Variants in IFT81 observed in about 807,000 individuals in gnomAD.
The protein encoded by IFT81 is intraflagellar transport protein 81 homolog.
IFT81 carries 72 observed loss-of-function variants against 102.6 expected under a neutral mutation model. The observed-to-expected ratio is 0.70, with a 90% confidence interval of 0.58 to 0.85. IFT81 has a LOEUF of 0.85. IFT81 is among the 40% of genes least tolerant of loss of function. The pLI, the probability that IFT81 is intolerant of heterozygous loss-of-function variation, is 0.00. For synonymous variants in IFT81, 237 were observed against 242.7 expected, an observed-to-expected ratio of 0.98 and a Z score of 0.22; for missense variants, 723 against 787.3, an observed-to-expected ratio of 0.92 and a Z score of 0.98.
At chr12:110,137,055 C>T (rs1209610091) in intron 8 of IFT81, among the ~76,000 whole-genome samples, 195 bp downstream of exon 8, 2 of 152,168 alleles carry the variant, frequency 1.3e-5, no homozygotes, top group Non-Finnish European at 2.9e-5. Context: ...TTTAAAAATT[C>T]CTAACCAGAT....
intron 12 of IFT81, among the ~76,000 whole-genome samples, chr12:110,182,923 C>T (rs183598151): frequency 2.0e-5 from 3 of 152,240 alleles, no homozygotes; most frequent in East Asian, 1.9e-4. Flanking sequence ...TGCTTTCTAT[C>T]GGGAACATAG....
chr12:110,202,212 C>T lies in IFT81; in HGVS notation c.1558-1652C>T, dbSNP rs1193888673. On this transcript the variant is annotated intron_variant, in intron 14 of 18. Transcript: ENST00000242591. ...CACTAAGGTGAAAGGATTTTTTCAG[C>T]TCCATTATAATCATATGGGACTGCC... Among the ~76,000 whole-genome samples, 3 of 152,222 alleles carry T rather than the reference C, an allele frequency of 2.0e-5. No individual in the cohort carries two copies. The East Asian group carries it at 5.8e-4, about 29-fold the overall frequency.
At chr12:110,170,108 A>T (rs1207799251) in intron 11 of IFT81, among the ~76,000 whole-genome samples, 3 of 152,074 alleles carry the variant, frequency 2.0e-5, no homozygotes, top group East Asian at 3.9e-4. Flanking sequence ...GCCCGCCACC[A>T]TGCCCGGCTA....
At position 110,130,601 on chromosome 12, in the gene IFT81, C is replaced by T. The variant is rs377452243; in HGVS notation, c.429+1471C>T. ...GCCAGGCTGGTCTCGAACCCCTGAC[C>T]TCATGATCTGCCCACCTCGGGTTCC... is the stretch of plus-strand genomic sequence containing the variant. On this transcript the variant is annotated intron_variant, in intron 4 of 18. Coordinates refer to ENST00000242591, the MANE Select transcript of IFT81 (RefSeq NM_014055.4). 6.6e-4 allele frequency among the ~76,000 whole-genome samples: 101 copies of T among 152,110 alleles called. 6 individuals carry two copies. The South Asian group carries it at 0.02, about 30-fold the overall frequency.
chr12:110,162,238 A>G (rs1038947087), intron 10 of IFT81: 9 of 151,912 alleles, frequency 5.9e-5, no homozygotes, highest in Non-Finnish European at 1.0e-4. Flanking sequence ...CCATGTAAAA[A>G]TACGGTAGAC....
At chr12:110,182,025 A>G (rs1897327576) in intron 12 of IFT81, among the ~76,000 whole-genome samples, 1 of 152,210 alleles carries the variant, frequency 6.6e-6, no homozygotes, top group African/African-American at 2.4e-5. Flanking sequence ...TTTGTACCCC[A>G]TGGCAGTCAG....
chr12:110,143,940 C>T (rs1236857391), intron 9 of IFT81, among the ~76,000 whole-genome samples: 1 of 151,204 alleles, frequency 6.6e-6, no homozygotes, highest in African/African-American at 2.4e-5. Flanking sequence ...TTTTTATTAA[C>T]CTTGTATACC....
rs879754173 is a variant in IFT81 at position 110,138,661 on chromosome 12, G to A, written c.781+1801G>A. ...TTGGTCAGGCTGGTCTTGAACTCCC[G>A]ACCTCAGGTGATCCACCCGCCTCAG... is the stretch of plus-strand genomic sequence containing the variant. On this transcript the variant is annotated intron_variant, in intron 8 of 18. Coordinates refer to ENST00000242591, the MANE Select transcript of IFT81 (RefSeq NM_014055.4). Among the ~76,000 whole-genome samples the A allele has an allele frequency of 3.2e-4, 48 of 152,150 alleles. 1 individual carries two copies. Among genetic ancestry groups the A allele is most frequent in the Non-Finnish European group, 5.1e-4 (35 of 68,022 alleles).
At chr12:110,165,674 G>A (rs1896393684) in intron 11 of IFT81, among the ~76,000 whole-genome samples, 1 of 152,190 alleles carries the variant, frequency 6.6e-6, no homozygotes, top group African/African-American at 2.4e-5. Flanking sequence ...CCCTGTCACA[G>A]TTGAGTGATG....
chr12:110,129,472 A>G (rs1894039709), intron 4 of IFT81, among the ~76,000 whole-genome samples: 1 of 152,170 alleles, frequency 6.6e-6, no homozygotes, highest in African/African-American at 2.4e-5. Context: ...TTTTTTATCC[A>G]AATTTGAGAG....
chr12:110,136,798 T>C lies in IFT81; in HGVS notation c.719T>C (p.Leu240Ser). Reference sequence around the variant, plus strand: ...AAGCTATTTCATGCAGTGCAAAGATTGCAAAGAGTACAAAACCAGCTGAAA... The same window carrying C: ...AAGCTATTTCATGCAGTGCAAAGATCGCAAAGAGTACAAAACCAGCTGAAA... ...KNQLFHAVQRLQRVQNQLKSM... is the reference protein window; with the variant it reads ...KNQLFHAVQRSQRVQNQLKSM... Residue 240 changes from leucine (L) to serine (S), a missense_variant, in exon 8 of 19, where the codon TTG becomes TCG. Coordinates refer to ENST00000242591, the MANE Select transcript of IFT81 (RefSeq NM_014055.4). The C allele has an allele frequency of 6.2e-7, 1 of 1,611,894 alleles. No homozygotes were observed. The highest frequency in any genetic ancestry group is 8.5e-7 in the Non-Finnish European group (1 of 1,178,380).
At chr12:110,137,239 C>A (rs902175573) in intron 8 of IFT81, among the ~76,000 whole-genome samples, 1 of 152,192 alleles carries the variant, frequency 6.6e-6, no homozygotes, top group Non-Finnish European at 1.5e-5. Context: ...ACTCAGGGGG[C>A]TGAGGCAGGA....
At position 110,135,394 on chromosome 12, in the gene IFT81, G is replaced by A; in HGVS notation, c.653G>A (p.Arg218Lys). The A allele has an allele frequency of 6.2e-7, 1 of 1,613,098 alleles. No individual in the cohort carries two copies. Among genetic ancestry groups the A allele is most frequent in the Non-Finnish European group, 8.5e-7 (1 of 1,179,422 alleles). Residue 218 changes from arginine (R) to lysine (K), a missense_variant, in exon 7 of 19, where the codon AGA becomes AAA. Coordinates refer to ENST00000242591, the MANE Select transcript of IFT81 (RefSeq NM_014055.4). The part of the protein sequence containing the change: ...IARQLRVEKE[R>K]EEYLAQQKQE... ...AGGCAACTTCGAGTTGAAAAAGAGA[G>A]AGAAGAATATCTTGCACAACAGAAA...
intron 14 of IFT81, among the ~76,000 whole-genome samples, chr12:110,201,402 CAA>C (rs533398783): frequency 4.9e-4 from 44 of 90,518 alleles, no homozygotes; most frequent in Non-Finnish European, 5.4e-4. Context: ...GCTCTGTCTC[CAA>C]AAAAAAAAAA....
chr12:110,132,426 C>G, intron 4 of IFT81, 121 bp from the exon 5 acceptor site: 1 of 450,738 alleles, frequency 2.2e-6, no homozygotes, highest in Non-Finnish European at 3.9e-6. Context: ...TGCCACTGCA[C>G]TCCAGGCTGG....
In IFT81 at chr12:110,209,227, T is replaced by C; in HGVS notation, c.1848+11T>C. 2 of 1,427,556 alleles carry C rather than the reference T, an allele frequency of 1.4e-6. No individual in the cohort carries two copies. Among genetic ancestry groups the C allele is most frequent in the Middle Eastern group, 1.8e-4 (1 of 5,596 alleles). The allele number at this position is 1,427,556 out of a possible 1,614,324, so 88.4% of individuals were successfully genotyped here. A position where few individuals can be genotyped will look rare whatever the true frequency, so the allele number is the denominator to read the frequency against. On this transcript the variant is annotated intron_variant, in intron 18 of 18. Coordinates refer to ENST00000242591, the MANE Select transcript of IFT81 (RefSeq NM_014055.4). ...GAAAACCTTGGAAAGGTAAGAATTA[T>C]TATTTATTTTTTTAAATGTGTCTAA... is the stretch of plus-strand genomic sequence containing the variant.
intron 10 of IFT81, among the ~76,000 whole-genome samples, chr12:110,150,534 C>T (rs1229703227): frequency 6.6e-6 from 1 of 152,188 alleles, no homozygotes; most frequent in Admixed American, 6.5e-5. Flanking sequence ...GTCAATCTCA[C>T]ATCTTTTTCC....
At chr12:110,210,169 A>T (rs941522724) in intron 18 of IFT81, among the ~76,000 whole-genome samples, 1 of 152,192 alleles carries the variant, frequency 6.6e-6, no homozygotes, top group Non-Finnish European at 1.5e-5. Flanking sequence ...TATACTTACT[A>T]ATAATTCAGA....
intron 14 of IFT81, among the ~76,000 whole-genome samples, chr12:110,197,555 C>CATAT (rs141544205): frequency 0.054 from 5,918 of 108,604 alleles, 192 homozygotes; most frequent in Middle Eastern, 0.13. Flanking sequence ...AGGTTTTTAT[C>CATAT]ATATATATAT....
Sources: gnomAD v4.1 joint callset for allele counts (sites outside exome capture counted in the v4.1 genomes callset) on GRCh38, gnomAD v4.1.1 for gene constraint, MANE v1.5 for transcripts, NCBI Gene and HGNC (gene_info 2026-07-23, HGNC 2026-07-21) for gene names.